RPS6KC1: variants seen among roughly 807,000 people sequenced by gnomAD.
The protein encoded by RPS6KC1 is ribosomal protein S6 kinase C1, also known as inactive ribosomal protein S6 kinase delta-1.
In RPS6KC1, 54 loss-of-function variants were observed where a neutral mutation model predicts 103.8. The ratio of observed to expected loss-of-function variants is 0.52; its 90% CI spans 0.42 to 0.65. The LOEUF is 0.65. Among genes scored for constraint, RPS6KC1 ranks in the 30% least tolerant of loss-of-function variants. The pLI, the probability that RPS6KC1 is intolerant of heterozygous loss-of-function variation, is 0.00. For missense variants in RPS6KC1, 1,151 were observed against 1,253.8 expected, an observed-to-expected ratio of 0.92 and a Z score of 1.24; for synonymous variants, 439 against 438.7, an observed-to-expected ratio of 1.00 and a Z score of -0.01.
At chr1:213,607,996 T>C in the RPS6KC1 span, among the ~76,000 whole-genome samples, 1 of 152,182 alleles carries the variant, frequency 6.6e-6, no homozygotes, top group East Asian at 1.9e-4. Flanking sequence ...ATGATTTGAT[T>C]TGCATCCTGA....
the RPS6KC1 span, among the ~76,000 whole-genome samples, chr1:213,728,106 G>C: frequency 6.6e-6 from 1 of 152,074 alleles, no homozygotes; most frequent in Non-Finnish European, 1.5e-5. Flanking sequence ...GAGAAGCCGA[G>C]GAGTAAAGCA....
the RPS6KC1 span, among the ~76,000 whole-genome samples, chr1:213,373,976 AG>A: frequency 6.6e-6 from 1 of 152,052 alleles, no homozygotes; most frequent in African/African-American, 2.4e-5. Context: ...TTTCATAGAG[AG>A]GTAATCTGTA....
At chr1:213,092,928 A>G (rs1325543444) in intron 3 of RPS6KC1, among the ~76,000 whole-genome samples, 1 of 152,142 alleles carries the variant, frequency 6.6e-6, no homozygotes, top group East Asian at 1.9e-4. Flanking sequence ...TAGAGGATAC[A>G]TAGCTGGCTT....
the RPS6KC1 span, among the ~76,000 whole-genome samples, chr1:213,831,300 T>C: frequency 6.6e-6 from 1 of 152,206 alleles, no homozygotes; most frequent in Non-Finnish European, 1.5e-5. Flanking sequence ...GTTGACTCAA[T>C]CTAATCACAA....
chr1:213,601,509 T>C, the RPS6KC1 span, among the ~76,000 whole-genome samples: 9 of 150,630 alleles, frequency 6.0e-5, no homozygotes, highest in Admixed American at 6.0e-4. Flanking sequence ...TATATACTTA[T>C]GGACCATGCT....
chr1:213,094,476 A>G (rs188193848), intron 3 of RPS6KC1, among the ~76,000 whole-genome samples: 3 of 151,772 alleles, frequency 2.0e-5, no homozygotes, highest in Non-Finnish European at 4.4e-5. Flanking sequence ...TTTTCATAAC[A>G]CTGACATTTT....
At chr1:213,472,216 T>G in the RPS6KC1 span, among the ~76,000 whole-genome samples, 2 of 152,190 alleles carry the variant, frequency 1.3e-5, no homozygotes, top group Admixed American at 1.3e-4. Flanking sequence ...GGAGACACAA[T>G]GGAAATCAAT....
the RPS6KC1 span, among the ~76,000 whole-genome samples, chr1:213,803,690 A>C: frequency 6.6e-6 from 1 of 152,146 alleles, no homozygotes; most frequent in African/African-American, 2.4e-5. Context: ...AGCATGGGTC[A>C]TTGCTGACCA....
the RPS6KC1 span, among the ~76,000 whole-genome samples, chr1:213,351,291 G>A: frequency 2.0e-5 from 3 of 152,208 alleles, no homozygotes; most frequent in African/African-American, 7.2e-5. Flanking sequence ...GCTAACTGCT[G>A]AACGGAGACA....
the RPS6KC1 span, among the ~76,000 whole-genome samples, chr1:213,495,937 A>G: frequency 6.6e-6 from 1 of 152,202 alleles, no homozygotes; most frequent in Non-Finnish European, 1.5e-5. Context: ...TACCAAGACA[A>G]TTATTTTTAT....
intron 3 of RPS6KC1, among the ~76,000 whole-genome samples, chr1:213,083,598 G>A (rs1167806260): frequency 6.6e-6 from 1 of 152,194 alleles, no homozygotes; most frequent in East Asian, 1.9e-4. Context: ...TGACTTAGAT[G>A]AGATTCTAGA....
At chr1:213,465,928 G>A in the RPS6KC1 span, among the ~76,000 whole-genome samples, 3 of 152,114 alleles carry the variant, frequency 2.0e-5, no homozygotes, top group South Asian at 2.1e-4. Flanking sequence ...TACCGAGGTC[G>A]TGCCTTAGAG....
chr1:213,555,181 A>G, the RPS6KC1 span, among the ~76,000 whole-genome samples: 1 of 152,230 alleles, frequency 6.6e-6, no homozygotes, highest in Non-Finnish European at 1.5e-5. Flanking sequence ...AAGATCATCC[A>G]AAAGGCTACT....
At chr1:213,654,195 C>A in the RPS6KC1 span, among the ~76,000 whole-genome samples, 3 of 152,188 alleles carry the variant, frequency 2.0e-5, no homozygotes, top group African/African-American at 7.2e-5. Context: ...AAATATATTT[C>A]TATCCCTGTC....
chr1:213,535,682 C>T, the RPS6KC1 span, among the ~76,000 whole-genome samples: 1 of 152,132 alleles, frequency 6.6e-6, no homozygotes, highest in Non-Finnish European at 1.5e-5. Flanking sequence ...TTCTGCTTGG[C>T]CATTCTTAGA....
chr1:213,733,898 A>C, the RPS6KC1 span, among the ~76,000 whole-genome samples: 1 of 152,218 alleles, frequency 6.6e-6, no homozygotes, highest in African/African-American at 2.4e-5. Context: ...AAGTAGCCTT[A>C]TCTCAGTTCA....
rs2083773468 is a variant in RPS6KC1, at chr1:213,117,348, T to C, written c.410T>C (p.Ile137Thr). The C allele has an allele frequency of 6.2e-7, 1 of 1,609,292 alleles. No homozygotes were observed. The highest frequency in any genetic ancestry group is 1.3e-5 in the African/African-American group (1 of 74,786). Residue 137 changes from isoleucine to threonine, a missense_variant, in exon 5 of 15, where the codon ATT becomes ACT. Coordinates refer to ENST00000366960, the MANE Select transcript of RPS6KC1 (RefSeq NM_012424.6). ...ATAATTAATGATAGTTCTGAATTAA[T>C]TGGTCCTGCTGAAGCTCACTCAGAT... ...GGIINDSSEL[I>T]GPAEAHSDSL...
chr1:213,209,533 T>C (rs892311203), intron 8 of RPS6KC1, among the ~76,000 whole-genome samples: 2 of 151,844 alleles, frequency 1.3e-5, no homozygotes, highest in African/African-American at 4.8e-5. Flanking sequence ...CCATTTCTAC[T>C]AAAAATACAA....
At chr1:213,170,574 A>G (rs1281935522) in intron 7 of RPS6KC1, among the ~76,000 whole-genome samples, 2 of 152,236 alleles carry the variant, frequency 1.3e-5, no homozygotes, top group Non-Finnish European at 2.9e-5. Flanking sequence ...GGGAAATTCT[A>G]TCAGAAAGGA....
Sources: allele counts gnomAD v4.1 joint callset (sites outside exome capture counted in the v4.1 genomes callset), GRCh38; gene constraint gnomAD v4.1.1; transcripts MANE v1.5; gene names NCBI Gene and HGNC (gene_info 2026-07-23, HGNC 2026-07-21).